Variants in DLGAP2 observed in about 807,000 individuals in gnomAD.
The protein encoded by DLGAP2 is DLG associated protein 2, also known as disks large-associated protein 2.
Under a neutral mutation model 100.3 loss-of-function variants are expected in DLGAP2, and 26 were observed. The ratio of observed to expected loss-of-function variants is 0.26; its 90% CI spans 0.19 to 0.36. DLGAP2 has a LOEUF of 0.36. Among genes scored for constraint, DLGAP2 ranks in the 10% least tolerant of loss-of-function variants. DLGAP2 has a pLI of 1.00. For missense variants in DLGAP2, 1,858 were observed against 1,453.2 expected, an observed-to-expected ratio of 1.28 and a Z score of -4.53; for synonymous variants, 886 against 630.1, an observed-to-expected ratio of 1.41 and a Z score of -6.08.
intron 3 of DLGAP2, among the ~76,000 whole-genome samples, chr8:1,496,652 C>T (rs1563183270): frequency 6.6e-6 from 1 of 152,172 alleles, no homozygotes. Context: ...CTCAGATCCA[C>T]CCAGACCCCT....
At chr8:1,600,096 G>T (rs1387462678) in intron 6 of DLGAP2, among the ~76,000 whole-genome samples, 1 of 152,128 alleles carries the variant, frequency 6.6e-6, no homozygotes, top group Admixed American at 6.6e-5. Context: ...GCATTTGCTT[G>T]TGTGTAAAGG....
chr8:1,091,507 T>C (rs1804180692), intron 2 of DLGAP2, among the ~76,000 whole-genome samples: 1 of 152,208 alleles, frequency 6.6e-6, no homozygotes, highest in African/African-American at 2.4e-5. Context: ...ATGGCTGGTA[T>C]TTTGCTGTGT....
Position 743,276 on chromosome 8 carries a change from C to T in DLGAP2, c.18+5451C>T, listed in dbSNP as rs562447518. Among the ~76,000 whole-genome samples, 59 of 152,242 alleles carry T rather than the reference C, an allele frequency of 3.9e-4. 1 individual carries two copies. The highest frequency in any genetic ancestry group is 6.6e-4 in the Non-Finnish European group (45 of 68,018). On this transcript the variant is annotated intron_variant, in intron 1 of 14. Transcript: ENST00000637795. ...ACACTGAGCTTCCAGGGAGTCAAGT[C>T]AACAAAACCCAAAACTACAAAGCCA...
intron 2 of DLGAP2, among the ~76,000 whole-genome samples, chr8:1,096,533 G>T (rs568546758): frequency 2.0e-5 from 3 of 151,744 alleles, no homozygotes; most frequent in Admixed American, 6.6e-5. Flanking sequence ...CCCCTCCAGC[G>T]TGAGGCCCAC....
chr8:1,496,102 CT>C (rs1799538238), intron 3 of DLGAP2, among the ~76,000 whole-genome samples: 1 of 152,210 alleles, frequency 6.6e-6, no homozygotes, highest in Non-Finnish European at 1.5e-5. Flanking sequence ...AGTCAGGTTT[CT>C]TCTTGCAAGT....
chr8:1,624,581 C>G (rs1465903046), intron 6 of DLGAP2, among the ~76,000 whole-genome samples: 1 of 151,852 alleles, frequency 6.6e-6, no homozygotes, highest in Non-Finnish European at 1.5e-5. Flanking sequence ...CTCTGTTGAA[C>G]CCATGCTTTC....
chr8:871,432 C>T (rs936181258), intron 1 of DLGAP2, among the ~76,000 whole-genome samples: 3 of 152,260 alleles, frequency 2.0e-5, no homozygotes, highest in South Asian at 2.1e-4. Flanking sequence ...CTGAGTCCAC[C>T]GTTGCTCATT....
intron 6 of DLGAP2, among the ~76,000 whole-genome samples, chr8:1,577,660 T>A (rs1260146736): frequency 2.0e-5 from 3 of 151,286 alleles, no homozygotes; most frequent in Middle Eastern, 3.4e-3. Flanking sequence ...AGGAAAGGCA[T>A]CCCTGCTGGA....
At chr8:958,486 T>G (rs1374388250) in intron 2 of DLGAP2, among the ~76,000 whole-genome samples, 2 of 149,732 alleles carry the variant, frequency 1.3e-5, no homozygotes, top group African/African-American at 4.9e-5. Context: ...GGATGAGAGA[T>G]GGAAGCGGCT....
intron 2 of DLGAP2, among the ~76,000 whole-genome samples, chr8:962,833 C>A (rs1407234488): frequency 2.0e-5 from 3 of 152,274 alleles, no homozygotes; most frequent in South Asian, 2.1e-4. Flanking sequence ...GTGACAAGAG[C>A]CTTGGAAACC....
intron 2 of DLGAP2, among the ~76,000 whole-genome samples, chr8:1,178,417 G>A (rs13271287): frequency 0.34 from 51,503 of 152,056 alleles, 10,149 homozygotes; most frequent in Non-Finnish European, 0.44. Flanking sequence ...GGATTTGGGG[G>A]TTGGTGCCCC....
intron 3 of DLGAP2, among the ~76,000 whole-genome samples, chr8:1,417,548 C>T (rs1026748232): frequency 1.3e-5 from 2 of 150,530 alleles, no homozygotes; most frequent in Non-Finnish European, 1.5e-5. Context: ...CAATGGGGAT[C>T]CGAAGCCCAG....
chr8:1,312,563 A>G (rs1379744405), intron 3 of DLGAP2, among the ~76,000 whole-genome samples: 1 of 152,186 alleles, frequency 6.6e-6, no homozygotes, highest in Non-Finnish European at 1.5e-5. Flanking sequence ...TTATTTCTGA[A>G]TGATTATAGA....
intron 6 of DLGAP2, among the ~76,000 whole-genome samples, chr8:1,589,891 G>C (rs1796239895): frequency 6.6e-6 from 1 of 152,158 alleles, no homozygotes; most frequent in South Asian, 2.1e-4. Context: ...ACATTTGGGG[G>C]ATGGACTGTA....
intron 2 of DLGAP2, among the ~76,000 whole-genome samples, chr8:1,025,917 G>T (rs1801784840): frequency 6.6e-6 from 1 of 152,186 alleles, no homozygotes; most frequent in African/African-American, 2.4e-5. Flanking sequence ...TGCAGGGAAA[G>T]TTCCGTAGAG....
intron 3 of DLGAP2, among the ~76,000 whole-genome samples, chr8:1,354,470 G>A (rs900212601): frequency 6.6e-6 from 1 of 152,212 alleles, no homozygotes; most frequent in Non-Finnish European, 1.5e-5. Flanking sequence ...CTGATATTGA[G>A]CCGCTGCACT....
At chr8:1,214,184 C>G (rs540678634) in intron 2 of DLGAP2, among the ~76,000 whole-genome samples, 24 of 152,310 alleles carry the variant, frequency 1.6e-4, no homozygotes, top group East Asian at 1.9e-4. Flanking sequence ...AGAACTGCCA[C>G]CCAGCAGGTG....
At chr8:1,066,546 T>C (rs541199304) in intron 2 of DLGAP2, among the ~76,000 whole-genome samples, 17 of 131,506 alleles carry the variant, frequency 1.3e-4, no homozygotes, top group African/African-American at 4.7e-4. Context: ...GTGAGGGCAG[T>C]TCCCTACCAC....
At chr8:1,638,128 A>C (rs1056903202) in intron 8 of DLGAP2, among the ~76,000 whole-genome samples, 43 of 152,198 alleles carry the variant, frequency 2.8e-4, no homozygotes, top group African/African-American at 1.0e-3. Flanking sequence ...CACCTGCAGA[A>C]TTCGGAGGTC....
Sources: gnomAD v4.1 joint callset for allele counts (sites outside exome capture counted in the v4.1 genomes callset) on GRCh38, gnomAD v4.1.1 for gene constraint, MANE v1.5 for transcripts, NCBI Gene and HGNC (gene_info 2026-07-23, HGNC 2026-07-21) for gene names.